Variants in KCTD1 observed in about 807,000 individuals in gnomAD.
KCTD1 encodes the protein BTB/POZ domain-containing protein KCTD1.
Under a neutral mutation model 66.0 loss-of-function variants are expected in KCTD1, and 24 were observed. The ratio of observed to expected loss-of-function variants is 0.36; its 90% CI spans 0.26 to 0.51. KCTD1 has a LOEUF of 0.51. KCTD1 is among the 20% of genes least tolerant of loss of function. The pLI, the probability that KCTD1 is intolerant of heterozygous loss-of-function variation, is 0.95. For missense variants in KCTD1, 943 were observed against 1,205.2 expected, an observed-to-expected ratio of 0.78 and a Z score of 3.22; for synonymous variants, 511 against 517.2, an observed-to-expected ratio of 0.99 and a Z score of 0.16.
intron 1 of KCTD1, among the ~76,000 whole-genome samples, chr18:26,599,022 T>G (rs1319160349): frequency 6.6e-6 from 1 of 152,232 alleles, no homozygotes; most frequent in Non-Finnish European, 1.5e-5. Context: ...GTCTATTTTT[T>G]CTTTTGTTAC....
intron 1 of KCTD1, among the ~76,000 whole-genome samples, chr18:26,560,650 T>A (rs1985825748): frequency 6.6e-6 from 1 of 152,166 alleles, no homozygotes; most frequent in Non-Finnish European, 1.5e-5. Context: ...AAGGGTGTGT[T>A]CTGGGGTGTG....
At chr18:26,535,449 G>A (rs570941394) in intron 1 of KCTD1, among the ~76,000 whole-genome samples, 40 of 151,762 alleles carry the variant, frequency 2.6e-4, no homozygotes, top group African/African-American at 2.4e-4. Flanking sequence ...AATGGCTCCC[G>A]GGGGCTTGAC....
At chr18:26,550,565 G>GACACACAGACACACACAC (rs372123383), upstream of KCTD1, among the ~76,000 whole-genome samples, 17 of 140,582 alleles carry the variant, frequency 1.2e-4, no homozygotes, top group African/African-American at 3.8e-4. This position sits in a 1 kb window ranked among gnomAD's most constrained non-coding sequence, Gnocchi z 5.4. Context: ...AAGACACACA[G>GACACACAGACACACACAC]ACACACACAC....
rs1985278826 is a variant in KCTD1 at position 26,547,138 on chromosome 18, T to C, written c.1399A>G (p.Ile467Val). The C allele has an allele frequency of 1.3e-6, 2 of 1,550,550 alleles. No individual in the cohort carries two copies. The highest frequency in any genetic ancestry group is 1.7e-6 in the Non-Finnish European group (2 of 1,146,938). Residue 467 changes from isoleucine (I) to valine (V), a missense_variant, in exon 1 of 5, where the codon ATT (isoleucine) becomes GTT (valine). Ile to Val is a conservative substitution (Grantham distance 29). Around this residue, in one of 10 missense-constraint regions of KCTD1, gnomAD observed 79 missense variants for 133.9 expected, o/e 0.59. Coordinates refer to ENST00000580059, the MANE Select transcript of KCTD1 (RefSeq NM_001142730.3). ...GCGGGCGAGCCCAGCTTGGTGCCAATGCCCGCGATGCTGTTGAGCGTGGCG... is the reference window on the plus strand; with the variant it reads ...GCGGGCGAGCCCAGCTTGGTGCCAACGCCCGCGATGCTGTTGAGCGTGGCG... Reference protein sequence around the residue: ...SIATLNSIAGIGTKLGSPAPQ... With the variant: ...SIATLNSIAGVGTKLGSPAPQ...
At chr18:26,577,071 T>C (rs1261050926) in intron 1 of KCTD1, among the ~76,000 whole-genome samples, 1 of 152,220 alleles carries the variant, frequency 6.6e-6, no homozygotes, top group African/African-American at 2.4e-5. Context: ...AATTTAGTGG[T>C]TTATGTTTAG....
At position 26,548,153 on chromosome 18, in the gene KCTD1, G is replaced by A. The variant is rs1204024111; in HGVS notation, c.384C>T (p.Ser128=). 3 of 1,378,960 alleles carry A rather than the reference G, an allele frequency of 2.2e-6. No homozygotes were observed. The highest frequency in any genetic ancestry group is 2.4e-4 in the Middle Eastern group (1 of 4,182). 85.4% of individuals were successfully genotyped at this position (1,378,960 alleles called of 1,614,324 possible). A position where few individuals can be genotyped will look rare whatever the true frequency, so the allele number is the denominator to read the frequency against. Residue 128 remains serine, a synonymous_variant, in exon 1 of 5, where the codon AGC becomes AGT. Transcript: ENST00000580059. ...GCGGCGCCTCGGGCTCCAGCGCGGC[G>A]CTCTGGTCCATATTGATCATATGGA... ...EPVHMINMDQ[S]AALEPEAPPR...
intron 1 of KCTD1, among the ~76,000 whole-genome samples, chr18:26,529,043 CT>C (rs1408374303): frequency 6.6e-6 from 1 of 152,168 alleles, no homozygotes; most frequent in East Asian, 1.9e-4. Context: ...TATCTACCTG[CT>C]TATCCAACAT....
In KCTD1 at chr18:26,547,312, G is replaced by A; in HGVS notation, c.1225C>T (p.Pro409Ser). 1 of 1,551,664 alleles carries A rather than the reference G, an allele frequency of 6.4e-7. No individual in the cohort carries two copies. The highest frequency in any genetic ancestry group is 1.2e-5 in the South Asian group (1 of 84,062). Residue 409 changes from proline (P) to serine (S), a missense_variant, in exon 1 of 5, where the codon CCC (proline) becomes TCC (serine). Around this residue, in one of 10 missense-constraint regions of KCTD1, gnomAD observed 79 missense variants for 133.9 expected, o/e 0.59. Transcript: ENST00000580059. The part of the protein sequence containing the change: ...NPLCKAFFQR[P>S]RDHCSEGDVT... ...TCGCCCTCGCTGCAGTGGTCCCGGG[G>A]CCGCTGGAAGAACGCCTTGCAGAGA...
chr18:26,550,926 G>T (rs1229014564), upstream of KCTD1, among the ~76,000 whole-genome samples: 2 of 152,200 alleles, frequency 1.3e-5, no homozygotes, highest in African/African-American at 4.8e-5. This position sits in a 1 kb window ranked among gnomAD's most constrained non-coding sequence, Gnocchi z 5.4. Flanking sequence ...TACCTACCAG[G>T]GGCTGTTCCC....
chr18:26,469,684 A>T (rs999756545), intron 3 of KCTD1, among the ~76,000 whole-genome samples: 1 of 152,186 alleles, frequency 6.6e-6, no homozygotes, highest in Non-Finnish European at 1.5e-5. Flanking sequence ...TGTATTTTCT[A>T]CTTAGTCCTA....
At chr18:26,464,956 T>G (rs1980640611) in intron 3 of KCTD1, among the ~76,000 whole-genome samples, 1 of 152,224 alleles carries the variant, frequency 6.6e-6, no homozygotes, top group Non-Finnish European at 1.5e-5. Flanking sequence ...AGCACTTACT[T>G]TCCTTTGGTT....
At chr18:26,558,656 G>A (rs1000431572) in intron 1 of KCTD1, among the ~76,000 whole-genome samples, 46 of 152,242 alleles carry the variant, frequency 3.0e-4, no homozygotes, top group Admixed American at 1.8e-3. Context: ...AGGTGCAGTG[G>A]CTCAAGCCTG....
chr18:26,657,138 GA>G, intron 1 of KCTD1, among the ~76,000 whole-genome samples: 2 of 151,992 alleles, frequency 1.3e-5, no homozygotes, highest in Middle Eastern at 3.4e-3. Context: ...ACTGGAGGAA[GA>G]AAGCCGAGAA....
At chr18:26,611,163 A>G (rs1046329313) in intron 1 of KCTD1, among the ~76,000 whole-genome samples, 3 of 151,756 alleles carry the variant, frequency 2.0e-5, no homozygotes, top group Non-Finnish European at 4.4e-5. Flanking sequence ...TTTCTCTTTC[A>G]TTTTGGATGG....
Position 26,547,010 on chromosome 18 carries a change from C to A in KCTD1, c.1527G>T (p.Ser509=), listed in dbSNP as rs1187363343. ...TGGGGAGGATGTAAGTGTTCCCCAG[C>A]GAGGGCGGCTGGGGGCGGTGGTGGT... ...PSHHHRPQPP[S]LGNTYILPKD... is the part of the protein sequence containing the mutation. The change falls in exon 1 of 5, where the codon TCG becomes TCT. Residue 509 remains serine (S), a synonymous_variant. Coordinates refer to ENST00000580059, the MANE Select transcript of KCTD1 (RefSeq NM_001142730.3). The A allele has an allele frequency of 6.9e-5, 75 of 1,094,284 alleles. No homozygotes were observed. The highest frequency in any genetic ancestry group is 2.5e-4 in the Middle Eastern group (1 of 4,036). 67.8% of individuals were successfully genotyped at this position (1,094,284 alleles called of 1,614,324 possible).
intron 1 of KCTD1, among the ~76,000 whole-genome samples, chr18:26,591,117 C>T (rs886412466): frequency 2.0e-5 from 3 of 152,062 alleles, no homozygotes; most frequent in African/African-American, 7.2e-5. Flanking sequence ...GCTTGAACTC[C>T]TGGCCTCAAG....
chr18:26,657,470 A>G (rs991774126), upstream of KCTD1: 8 of 821,654 alleles, frequency 9.7e-6, no homozygotes, highest in Non-Finnish European at 1.2e-5. Flanking sequence ...CCAGAGAGAA[A>G]TGCAATAGCT....
At chr18:26,573,302 T>C (rs955564114) in intron 1 of KCTD1, among the ~76,000 whole-genome samples, 1 of 152,086 alleles carries the variant, frequency 6.6e-6, no homozygotes, top group African/African-American at 2.4e-5. Context: ...AGGGTTTCTG[T>C]TGTGCAAGAT....
intron 1 of KCTD1, among the ~76,000 whole-genome samples, chr18:26,627,579 G>A (rs1427307669): frequency 6.6e-6 from 1 of 152,052 alleles, no homozygotes; most frequent in Non-Finnish European, 1.5e-5. Context: ...TTGGAACCTG[G>A]GTCCTCTAAG....
Sources: gnomAD v4.1 joint callset for allele counts (sites outside exome capture counted in the v4.1 genomes callset) on GRCh38, gnomAD v4.1.1 for gene constraint, gnomAD v4.1.1 regional missense constraint, Gnocchi (gnomAD v3.1) non-coding constraint, MANE v1.5 for transcripts, NCBI Gene and HGNC (gene_info 2026-07-23, HGNC 2026-07-21) for gene names.